PLPPR5: variants seen among roughly 807,000 people sequenced by gnomAD.
PLPPR5 encodes phospholipid phosphatase related 5.
A neutral mutation model predicts 33.9 loss-of-function variants in PLPPR5; 16 were observed. The ratio of observed to expected loss-of-function variants is 0.47; its 90% confidence interval spans 0.32 to 0.72. The LOEUF is 0.72. Ranked by LOEUF, PLPPR5 falls within the 30% of genes least tolerant of loss-of-function variation. The pLI, the probability that PLPPR5 is intolerant of heterozygous loss-of-function variation, is 0.03. For synonymous variants in PLPPR5, 163 were observed against 150.3 expected, an observed-to-expected ratio of 1.08 and a Z score of -0.62; for missense variants, 301 against 406.7, an observed-to-expected ratio of 0.74 and a Z score of 2.23.
chr1:98,960,298 G>T (rs7530278), intron 1 of PLPPR5, among the ~76,000 whole-genome samples: 1 of 152,114 alleles, frequency 6.6e-6, no homozygotes, highest in East Asian at 1.9e-4. Context: ...CCTCCTTCCA[G>T]GTTCAAGCAA....
intron 2 of PLPPR5, among the ~76,000 whole-genome samples, chr1:98,954,633 G>A (rs1650936458): frequency 6.6e-6 from 1 of 152,028 alleles, no homozygotes; most frequent in African/African-American, 2.4e-5. Context: ...ACACAAATGG[G>A]AATGAAACAA....
chr1:98,895,857 T>C (rs535076926), intron 5 of PLPPR5, among the ~76,000 whole-genome samples: 1 of 152,154 alleles, frequency 6.6e-6, no homozygotes, highest in African/African-American at 2.4e-5. Context: ...AATAAAACAC[T>C]GAAGTGACTA....
At chr1:98,978,154 T>C (rs1201749198) in intron 1 of PLPPR5, among the ~76,000 whole-genome samples, 1 of 152,036 alleles carries the variant, frequency 6.6e-6, no homozygotes, top group African/African-American at 2.4e-5. Flanking sequence ...ACTCTATCTT[T>C]GTATCACTAG....
At position 98,892,876 on chromosome 1, in the gene PLPPR5, A is replaced by T; in HGVS notation, c.*196T>A. 1 of 563,606 alleles carries T rather than the reference A, an allele frequency of 1.8e-6. No individual in the cohort carries two copies. The highest frequency in any genetic ancestry group is 3.1e-6 in the Non-Finnish European group (1 of 326,378). The allele number at this position is 563,606 out of a possible 1,614,324, so 34.9% of individuals were successfully genotyped here. ...TTGTTGTAAGTGCTGGGGACACAGA[A>T]AAAAAAAGACAATCCTGCCCTCGAG... is the stretch of plus-strand genomic sequence containing the variant. On this transcript the variant is annotated 3_prime_UTR_variant, in exon 6 of 6. Coordinates refer to ENST00000263177, the MANE Select transcript of PLPPR5 (RefSeq NM_001037317.2).
At chr1:98,906,300 T>C (rs2101141204) in intron 5 of PLPPR5, among the ~76,000 whole-genome samples, 1 of 151,210 alleles carries the variant, frequency 6.6e-6, no homozygotes, top group Admixed American at 6.6e-5. Context: ...TATATATGTA[T>C]ATATATACTG....
At chr1:98,975,180 C>T (rs934785799) in intron 1 of PLPPR5, among the ~76,000 whole-genome samples, 2 of 152,068 alleles carry the variant, frequency 1.3e-5, no homozygotes, top group African/African-American at 4.8e-5. Flanking sequence ...TGACTGCGTC[C>T]GTGCCTCAAA....
intron 1 of PLPPR5, 31 bp downstream of exon 1, chr1:99,004,404 C>CGCCCCA: frequency 6.5e-7 from 1 of 1,547,134 alleles, no homozygotes; most frequent in Non-Finnish European, 8.8e-7. Context: ...ATCAGGGACT[C>CGCCCCA]GGCGACGAGG....
intron 5 of PLPPR5, among the ~76,000 whole-genome samples, chr1:98,910,390 GC>G (rs201630561): frequency 0.013 from 2,049 of 152,238 alleles, 18 homozygotes; most frequent in Middle Eastern, 0.017. Flanking sequence ...ATGTTGACAG[GC>G]CTCTTGGAAA....
rs113491637 is a variant in PLPPR5 at position 98,941,992 on chromosome 1, A to G, written c.621+11078T>C. Among the ~76,000 whole-genome samples the G allele has an allele frequency of 8.8e-4, 6 of 6,828 alleles. No homozygotes were observed. In the Admixed American group the frequency reaches 0.011, roughly 13 times the overall value. 4.5% of individuals were successfully genotyped at this position (6,828 alleles called of 152,430 possible). On this transcript the variant is annotated intron_variant, in intron 3 of 5. Transcript: ENST00000263177. ...ATTACAGATACATATATGTATACGTATATATATATATATATACACATATAC... is the reference window on the plus strand; with the variant it reads ...ATTACAGATACATATATGTATACGTGTATATATATATATATACACATATAC...
intron 1 of PLPPR5, among the ~76,000 whole-genome samples, chr1:98,991,571 T>C (rs796336304): frequency 6.6e-6 from 1 of 152,192 alleles, no homozygotes; most frequent in Non-Finnish European, 1.5e-5. Flanking sequence ...GTCCATGTTA[T>C]ATGAAGTTAA....
At chr1:99,004,356 C>T in intron 1 of PLPPR5, 79 bp downstream of exon 1, 1 of 1,269,746 alleles carries the variant, frequency 7.9e-7, no homozygotes, top group Non-Finnish European at 1.1e-6. Context: ...TGCGCCCCAA[C>T]CCTTAGAGGG....
At chr1:98,947,804 G>A (rs1228132192) in intron 3 of PLPPR5, among the ~76,000 whole-genome samples, 1 of 152,168 alleles carries the variant, frequency 6.6e-6, no homozygotes, top group African/African-American at 2.4e-5. Context: ...TAGTGGTCAT[G>A]GCACCAGTTG....
intron 3 of PLPPR5, among the ~76,000 whole-genome samples, chr1:98,934,523 C>T (rs1486170426): frequency 6.6e-6 from 1 of 152,110 alleles, no homozygotes; most frequent in Non-Finnish European, 1.5e-5. Flanking sequence ...GGTGTCTTTC[C>T]CATGTCCTGG....
At chr1:98,903,275 C>A (rs1648765035) in intron 5 of PLPPR5, among the ~76,000 whole-genome samples, 1 of 152,092 alleles carries the variant, frequency 6.6e-6, no homozygotes, top group African/African-American at 2.4e-5. Flanking sequence ...ATTCCAATAT[C>A]TAATCACTAA....
At position 98,892,275 on chromosome 1, in the gene PLPPR5, A is replaced by G. The variant is rs896229533; in HGVS notation, c.*797T>C. 6.6e-5 allele frequency: 10 copies of G among 152,454 alleles called. No homozygotes were observed. The highest frequency in any genetic ancestry group is 2.2e-4 in the African/African-American group (9 of 41,414). The allele number at this position is 152,454 out of a possible 1,614,324, so 9.4% of individuals were successfully genotyped here. A position where few individuals can be genotyped will look rare whatever the true frequency, so the allele number is the denominator to read the frequency against. Reference sequence around the variant, plus strand: ...ATGGGAAATTACTCAATAATAAGGTACCAGTGCTGAATTTACTCATTTAAA... The same window carrying G: ...ATGGGAAATTACTCAATAATAAGGTGCCAGTGCTGAATTTACTCATTTAAA... On this transcript the variant is annotated 3_prime_UTR_variant, in exon 6 of 6. Transcript: ENST00000263177.
At chr1:98,926,639 T>G (rs1649777990) in intron 3 of PLPPR5, among the ~76,000 whole-genome samples, 4 of 152,136 alleles carry the variant, frequency 2.6e-5, no homozygotes, top group Admixed American at 2.0e-4. Context: ...AATTTATTAT[T>G]GTTTTCAAAA....
At chr1:98,904,108 C>T (rs138384595) in intron 5 of PLPPR5, among the ~76,000 whole-genome samples, 3 of 152,170 alleles carry the variant, frequency 2.0e-5, no homozygotes, top group East Asian at 3.9e-4. Flanking sequence ...TTGGAGCTAT[C>T]GTCACTTCTT....
intron 1 of PLPPR5, among the ~76,000 whole-genome samples, chr1:98,981,681 A>G (rs1166053454): frequency 6.6e-6 from 1 of 152,060 alleles, no homozygotes; most frequent in East Asian, 1.9e-4. Context: ...GTTTTTAATA[A>G]CTATATGAAG....
chr1:98,977,340 C>T (rs1651899309), intron 1 of PLPPR5, among the ~76,000 whole-genome samples: 1 of 151,766 alleles, frequency 6.6e-6, no homozygotes, highest in Non-Finnish European at 1.5e-5. Flanking sequence ...AATTCATGAT[C>T]CATTATTCCC....
Sources: allele counts gnomAD v4.1 joint callset (sites outside exome capture counted in the v4.1 genomes callset), GRCh38; gene constraint gnomAD v4.1.1; transcripts MANE v1.5; gene names NCBI Gene and HGNC (gene_info 2026-07-23, HGNC 2026-07-21).